Variants in TMEM132D observed in about 807,000 individuals in gnomAD.
TMEM132D encodes the protein mature OL transmembrane protein.
Under a neutral mutation model 62.3 loss-of-function variants are expected in TMEM132D, and 21 were observed. The observed-to-expected ratio is 0.34, with a 90% CI of 0.24 to 0.49. The LOEUF (loss-of-function observed/expected upper bound fraction) is 0.49. TMEM132D is among the 20% of genes least tolerant of loss of function. The pLI is 0.99. For synonymous variants in TMEM132D, 621 were observed against 575.6 expected (o/e 1.08, Z -1.13); for missense variants, 1,346 against 1,402.8 (o/e 0.96, Z 0.65).
At chr12:129,502,351 A>C (rs1236134504) in intron 3 of TMEM132D, among the ~76,000 whole-genome samples, 1 of 152,182 alleles carries the variant, frequency 6.6e-6, no homozygotes, top group Non-Finnish European at 1.5e-5. Flanking sequence ...TCAAGGTTGA[A>C]TATCAATCAT....
At chr12:129,884,202 G>A (rs569733567) in intron 1 of TMEM132D, among the ~76,000 whole-genome samples, 1 of 152,244 alleles carries the variant, frequency 6.6e-6, no homozygotes, top group South Asian at 2.1e-4. Context: ...TATGACATTT[G>A]GTTTGGCAAA....
In TMEM132D at chr12:129,519,283, C is replaced by T. The variant is rs76649269; in HGVS notation, c.1115+11776G>A. Among the ~76,000 whole-genome samples, 32 of 152,182 alleles carry T rather than the reference C, an allele frequency of 2.1e-4. No homozygotes were observed. In the East Asian group the frequency reaches 5.6e-3, roughly 27 times the overall value. ...GACTACCAGAGTAGCTGTGACTTTTCGCCAACAGAAGCCACAGTGATCTTC... is the reference window on the plus strand; with the variant it reads ...GACTACCAGAGTAGCTGTGACTTTTTGCCAACAGAAGCCACAGTGATCTTC... On this transcript the variant is annotated intron_variant, in intron 3 of 8. Transcript: ENST00000422113.
intron 4 of TMEM132D, among the ~76,000 whole-genome samples, chr12:129,233,332 G>T (rs1012450572): frequency 1.3e-5 from 2 of 152,132 alleles, no homozygotes; most frequent in African/African-American, 4.8e-5. Flanking sequence ...CACAGTTTCA[G>T]AAAATGGTTT....
chr12:129,296,522 G>C (rs1003972477), intron 4 of TMEM132D, among the ~76,000 whole-genome samples: 3 of 152,142 alleles, frequency 2.0e-5, no homozygotes, highest in Non-Finnish European at 4.4e-5. Flanking sequence ...GACAAGTGTC[G>C]GCAGCTTCTG....
At chr12:129,871,389 G>T (rs1874236513) in intron 1 of TMEM132D, among the ~76,000 whole-genome samples, 1 of 152,088 alleles carries the variant, frequency 6.6e-6, no homozygotes, top group Non-Finnish European at 1.5e-5. Context: ...TGTGGAAAGA[G>T]GGTGTCTCGA....
Position 129,397,095 on chromosome 12 carries a change from T to C in TMEM132D, c.1116-59278A>G, listed in dbSNP as rs373574284. Among the ~76,000 whole-genome samples the C allele has an allele frequency of 2.8e-4, 43 of 152,308 alleles. 1 individual carries two copies. The highest frequency in any genetic ancestry group is 1.0e-3 in the African/African-American group (42 of 41,574). On this transcript the variant is annotated intron_variant, in intron 3 of 8. Transcript: ENST00000422113. Reference sequence around the variant, plus strand: ...AGCAGAAAAATAACCCCATTCTTAATCTCATAGGCATATCGACAATATTGT... The same window carrying C: ...AGCAGAAAAATAACCCCATTCTTAACCTCATAGGCATATCGACAATATTGT...
chr12:129,465,852 T>G (rs1478829186), intron 3 of TMEM132D, among the ~76,000 whole-genome samples: 1 of 152,068 alleles, frequency 6.6e-6, no homozygotes, highest in East Asian at 1.9e-4. Context: ...CCAGCTAATT[T>G]TTGTATTTTT....
Position 129,326,991 on chromosome 12 carries a change from A to C in TMEM132D, c.1299+10643T>G, listed in dbSNP as rs533849191. Among the ~76,000 whole-genome samples the C allele has an allele frequency of 5.3e-5, 8 of 152,334 alleles. No individual in the cohort carries two copies. The South Asian group carries it at 1.7e-3, about 32-fold the overall frequency. ...CTATGCAGAAGGGAGTGAATGAGACAGCTGTTAAGTGCAGACTGACACACG... is the reference window on the plus strand; with the variant it reads ...CTATGCAGAAGGGAGTGAATGAGACCGCTGTTAAGTGCAGACTGACACACG... On this transcript the variant is annotated intron_variant, in intron 4 of 8. Coordinates refer to ENST00000422113, the MANE Select transcript of TMEM132D (RefSeq NM_133448.3).
chr12:129,504,324 C>A (rs1478460937), intron 3 of TMEM132D, among the ~76,000 whole-genome samples: 2 of 152,110 alleles, frequency 1.3e-5, no homozygotes, highest in Non-Finnish European at 2.9e-5. Context: ...GGATTGATAC[C>A]AATTCTTCTT....
chr12:129,104,329 G>A (rs1205970908), intron 5 of TMEM132D, among the ~76,000 whole-genome samples: 3 of 151,656 alleles, frequency 2.0e-5, no homozygotes, highest in Non-Finnish European at 4.4e-5. Context: ...TGGGAAAACT[G>A]GCTAGCCATA....
At chr12:129,096,396 G>A (rs1875118712) in intron 5 of TMEM132D, among the ~76,000 whole-genome samples, 1 of 152,166 alleles carries the variant, frequency 6.6e-6, no homozygotes, top group Non-Finnish European at 1.5e-5. Context: ...GACCCAGGAT[G>A]GCAGCGGGAG....
chr12:129,549,510 T>A (rs865969692), intron 2 of TMEM132D, among the ~76,000 whole-genome samples: 24 of 152,242 alleles, frequency 1.6e-4, no homozygotes, highest in South Asian at 4.1e-4. Context: ...TTCTCATTCT[T>A]TCTTGCCTGA....
At chr12:129,313,796 A>G (rs1164987955) in intron 4 of TMEM132D, among the ~76,000 whole-genome samples, 2 of 152,154 alleles carry the variant, frequency 1.3e-5, no homozygotes, top group Admixed American at 6.5e-5. Flanking sequence ...ACTGTGTTCC[A>G]TTGTGGCTGT....
chr12:129,122,634 C>G (rs1876099896), intron 5 of TMEM132D, among the ~76,000 whole-genome samples: 2 of 152,158 alleles, frequency 1.3e-5, no homozygotes, highest in Non-Finnish European at 2.9e-5. Context: ...CAATCATGCT[C>G]CCTGTGAAAT....
At chr12:129,405,550 G>A (rs186727657) in intron 3 of TMEM132D, among the ~76,000 whole-genome samples, 4,155 of 152,230 alleles carry the variant, frequency 0.027, 140 homozygotes, top group African/African-American at 0.084. Flanking sequence ...GGGTCGGGAG[G>A]TCCTGAGTGG....
intron 4 of TMEM132D, among the ~76,000 whole-genome samples, chr12:129,268,451 C>T (rs989784781): frequency 2.0e-5 from 3 of 152,140 alleles, no homozygotes; most frequent in Admixed American, 1.3e-4. Flanking sequence ...TGATCACTGG[C>T]CATCAGAGAA....
intron 4 of TMEM132D, among the ~76,000 whole-genome samples, chr12:129,265,127 C>G (rs184080083): frequency 8.5e-5 from 13 of 152,198 alleles, no homozygotes; most frequent in African/African-American, 1.4e-4. Context: ...CAGGAAGGAC[C>G]TCTGAGCTGC....
At chr12:129,442,101 A>G (rs919077231) in intron 3 of TMEM132D, among the ~76,000 whole-genome samples, 1 of 152,200 alleles carries the variant, frequency 6.6e-6, no homozygotes, top group Non-Finnish European at 1.5e-5. Context: ...ATTCCCATGT[A>G]ACAAACCTAC....
chr12:129,834,750 G>A (rs949134218), intron 1 of TMEM132D, among the ~76,000 whole-genome samples: 16 of 152,158 alleles, frequency 1.1e-4, no homozygotes, highest in Admixed American at 5.2e-4. Flanking sequence ...CCAGCACAGC[G>A]TCTTAAAATC....
Sources: allele counts gnomAD v4.1 joint callset (sites outside exome capture counted in the v4.1 genomes callset), GRCh38; gene constraint gnomAD v4.1.1; transcripts MANE v1.5; gene names NCBI Gene and HGNC (gene_info 2026-07-23, HGNC 2026-07-21).